The following SNTB1 variants were observed in gnomAD, a reference collection of about 807,000 sequenced individuals.
SNTB1 encodes beta-1-syntrophin.
In SNTB1, 36 loss-of-function variants were observed where a neutral mutation model predicts 48.9. The ratio of observed to expected loss-of-function variants is 0.74; its 90% CI spans 0.56 to 0.97. The LOEUF is 0.97. Among genes scored for constraint, SNTB1 ranks in the 50% least tolerant of loss-of-function variants. The pLI, the probability that SNTB1 is intolerant of heterozygous loss-of-function variation, is 0.00. For synonymous variants in SNTB1, 299 were observed against 294.6 expected, an observed-to-expected ratio of 1.01 and a Z score of -0.15; for missense variants, 786 against 703.4, an observed-to-expected ratio of 1.12 and a Z score of -1.33.
intron 3 of SNTB1, among the ~76,000 whole-genome samples, chr8:120,588,509 C>G (rs920908142): frequency 5.6e-5 from 8 of 142,680 alleles, no homozygotes; most frequent in African/African-American, 2.0e-4. Flanking sequence ...CTTCGTAAAA[C>G]CTGCCCCAAC....
chr8:120,645,460 G>C (rs1043779367), intron 2 of SNTB1, among the ~76,000 whole-genome samples: 2 of 151,532 alleles, frequency 1.3e-5, no homozygotes, highest in African/African-American at 4.9e-5. Flanking sequence ...GTTTGTCAAA[G>C]ATCAGATAGT....
At chr8:120,715,175 C>T (rs1818533803) in intron 1 of SNTB1, among the ~76,000 whole-genome samples, 1 of 152,200 alleles carries the variant, frequency 6.6e-6, no homozygotes, top group Non-Finnish European at 1.5e-5. Flanking sequence ...CATTCCAGGT[C>T]ATTCAGTCTT....
At chr8:120,795,246 TAA>T (rs34797724) in intron 1 of SNTB1, among the ~76,000 whole-genome samples, 3 of 145,524 alleles carry the variant, frequency 2.1e-5, no homozygotes, top group African/African-American at 5.0e-5. Context: ...GTGGAGAAGT[TAA>T]AAAAAAAAAC....
chr8:120,807,051 C>T (rs6990646), intron 1 of SNTB1, among the ~76,000 whole-genome samples: 18,574 of 152,072 alleles, frequency 0.12, 3,749 homozygotes, highest in African/African-American at 0.42. Flanking sequence ...AACAACTGTC[C>T]TTGACTTTCT....
At chr8:120,606,431 GTGTA>G (rs58864949) in intron 3 of SNTB1, among the ~76,000 whole-genome samples, 34,098 of 148,786 alleles carry the variant, frequency 0.23, 3,961 homozygotes, top group Middle Eastern at 0.3. Flanking sequence ...GTGTGTGTGT[GTGTA>G]TATACACACA....
chr8:120,660,365 C>A (rs1298693183), intron 2 of SNTB1, among the ~76,000 whole-genome samples: 1 of 152,232 alleles, frequency 6.6e-6, no homozygotes, highest in African/African-American at 2.4e-5. Flanking sequence ...TACATCAGCA[C>A]TTGTTTCACC....
intron 1 of SNTB1, among the ~76,000 whole-genome samples, chr8:120,714,493 T>G (rs1818523718): frequency 6.6e-6 from 1 of 152,154 alleles, no homozygotes; most frequent in South Asian, 2.1e-4. Context: ...CTTTTTTTTT[T>G]TTCTGGCAAA....
At chr8:120,668,274 C>T (rs1319762755) in intron 2 of SNTB1, among the ~76,000 whole-genome samples, 1 of 152,172 alleles carries the variant, frequency 6.6e-6, no homozygotes, top group Admixed American at 6.5e-5. Flanking sequence ...TCATTTGTTT[C>T]CCATCTCTCA....
intron 2 of SNTB1, among the ~76,000 whole-genome samples, chr8:120,682,880 GTT>G (rs759021409): frequency 1.4e-3 from 175 of 127,368 alleles, no homozygotes; most frequent in African/African-American, 4.9e-3. Flanking sequence ...TTTGTTTTTA[GTT>G]TTTTTTTTTT....
chr8:120,678,793 A>G (rs1382336488), intron 2 of SNTB1, among the ~76,000 whole-genome samples: 1 of 151,164 alleles, frequency 6.6e-6, no homozygotes, highest in Non-Finnish European at 1.5e-5. Flanking sequence ...TTGCCTCCAG[A>G]TTCATTATTT....
intron 2 of SNTB1, among the ~76,000 whole-genome samples, chr8:120,638,658 T>C (rs1187500849): frequency 6.6e-6 from 1 of 152,162 alleles, no homozygotes; most frequent in African/African-American, 2.4e-5. Context: ...CATGTGGTGT[T>C]TGGTTTTTTG....
At chr8:120,793,460 A>C (rs1249822849) in intron 1 of SNTB1, among the ~76,000 whole-genome samples, 1 of 152,090 alleles carries the variant, frequency 6.6e-6, no homozygotes. Flanking sequence ...GCTGCTAAAA[A>C]GATAAAGCAA....
intron 1 of SNTB1, among the ~76,000 whole-genome samples, chr8:120,716,207 T>C (rs1196614816): frequency 6.6e-6 from 1 of 152,238 alleles, no homozygotes; most frequent in East Asian, 1.9e-4. Context: ...TAAATTTTTC[T>C]ACCTCAAGCA....
intron 6 of SNTB1, among the ~76,000 whole-genome samples, chr8:120,540,610 G>A (rs1190498264): frequency 1.3e-5 from 2 of 152,122 alleles, no homozygotes; most frequent in East Asian, 1.9e-4. Flanking sequence ...ATGGACTTTC[G>A]AGTCACTACT....
At chr8:120,599,395 A>T (rs946705417) in intron 3 of SNTB1, among the ~76,000 whole-genome samples, 2 of 152,276 alleles carry the variant, frequency 1.3e-5, no homozygotes, top group Admixed American at 1.3e-4. Flanking sequence ...CCTTGTGTGC[A>T]CATGCAGATT....
At chr8:120,682,198 CA>C in intron 2 of SNTB1, among the ~76,000 whole-genome samples, 1 of 151,452 alleles carries the variant, frequency 6.6e-6, no homozygotes, top group African/African-American at 2.4e-5. Flanking sequence ...AGAGAGATAA[CA>C]AAAAAAGAGA....
chr8:120,793,644 T>C (rs1820075076), intron 1 of SNTB1, among the ~76,000 whole-genome samples: 1 of 151,988 alleles, frequency 6.6e-6, no homozygotes, highest in African/African-American at 2.4e-5. Context: ...AAGATTTGGG[T>C]GCTTAGGGTC....
At chr8:120,603,618 C>T (rs1334776818) in intron 3 of SNTB1, among the ~76,000 whole-genome samples, 1 of 152,180 alleles carries the variant, frequency 6.6e-6, no homozygotes, top group East Asian at 1.9e-4. Context: ...TATGTTCCAA[C>T]AAGTCCTCCA....
intron 1 of SNTB1, among the ~76,000 whole-genome samples, chr8:120,729,168 C>T (rs111821230): frequency 6.6e-6 from 1 of 152,022 alleles, no homozygotes; most frequent in Non-Finnish European, 1.5e-5. Flanking sequence ...GTTTCAGAGG[C>T]GTGGTTTCTA....
Sources: allele counts gnomAD v4.1 joint callset (sites outside exome capture counted in the v4.1 genomes callset), GRCh38; gene constraint gnomAD v4.1.1; transcripts MANE v1.5; gene names NCBI Gene and HGNC (gene_info 2026-07-23, HGNC 2026-07-21).